Variants in RAPGEF4 observed in about 807,000 individuals in gnomAD.
The protein encoded by RAPGEF4 is Rap guanine nucleotide exchange factor 4.
A neutral mutation model predicts 147.9 loss-of-function variants in RAPGEF4; 66 were observed. The observed-to-expected ratio is 0.45, with a 90% confidence interval of 0.37 to 0.55. RAPGEF4 has a LOEUF of 0.55. Among genes scored for constraint, RAPGEF4 ranks in the 20% least tolerant of loss-of-function variants. The probability of loss-of-function intolerance (pLI) is 0.00; values close to 1 mark genes in which losing one functional copy is unlikely to be tolerated. For synonymous variants in RAPGEF4, 419 were observed against 442.7 expected, an observed-to-expected ratio of 0.95 and a Z score of 0.67; for missense variants, 1,071 against 1,257.3, an observed-to-expected ratio of 0.85 and a Z score of 2.24.
At chr2:172,819,461 C>CT (rs1242605865) in intron 4 of RAPGEF4, among the ~76,000 whole-genome samples, 1,487 of 86,936 alleles carry the variant, frequency 0.017, 118 homozygotes, top group East Asian at 0.045. Context: ...ATTTTTAGTT[C>CT]TTTTTTTTTT....
At chr2:172,824,753 C>G (rs923067048) in intron 4 of RAPGEF4, among the ~76,000 whole-genome samples, 65 of 152,182 alleles carry the variant, frequency 4.3e-4, no homozygotes, top group African/African-American at 1.5e-3. Flanking sequence ...TTTGTAGCTC[C>G]TGGGAAATTT....
intron 4 of RAPGEF4, among the ~76,000 whole-genome samples, chr2:172,826,071 C>T (rs995069743): frequency 6.6e-6 from 1 of 152,200 alleles, no homozygotes; most frequent in Non-Finnish European, 1.5e-5. Context: ...CTATGGTCAT[C>T]CCTTCCACTC....
chr2:172,836,858 T>C (rs1173740509), intron 4 of RAPGEF4, among the ~76,000 whole-genome samples: 1 of 152,254 alleles, frequency 6.6e-6, no homozygotes, highest in Non-Finnish European at 1.5e-5. Flanking sequence ...ATCTGAATTC[T>C]GATGATTATT....
intron 13 of RAPGEF4, 97 bp downstream of exon 13, chr2:172,988,369 A>C: frequency 6.7e-7 from 1 of 1,490,068 alleles, no homozygotes; most frequent in Admixed American, 2.6e-5. Context: ...AATTTGCAAC[A>C]ACATTGCTCC....
At position 172,967,444 on chromosome 2, in the gene RAPGEF4, C is replaced by A; in HGVS notation, c.1004C>A (p.Pro335Gln). Residue 335 changes from proline (P) to glutamine (Q), a missense_variant and splice_region_variant, in exon 10 of 31, where the codon CCA (proline) becomes CAA (glutamine). Transcript: ENST00000397081. Reference sequence around the variant, plus strand: ...CACATGAGGATGATCCTTCGCAAACCGTGAGTGAGAGCTCGTGGCTCACCC... The same window carrying A: ...CACATGAGGATGATCCTTCGCAAACAGTGAGTGAGAGCTCGTGGCTCACCC... ...DAHMRMILRKPPGQRTVDDLE... is the reference protein window; with the variant it reads ...DAHMRMILRKQPGQRTVDDLE... The A allele has an allele frequency of 1.2e-6, 2 of 1,609,572 alleles. No homozygotes were observed. Among genetic ancestry groups the A allele is most frequent in the Non-Finnish European group, 1.7e-6 (2 of 1,178,424 alleles).
At chr2:172,950,944 T>C (rs1297786012) in intron 6 of RAPGEF4, among the ~76,000 whole-genome samples, 1 of 152,248 alleles carries the variant, frequency 6.6e-6, no homozygotes, top group African/African-American at 2.4e-5. Context: ...TCTTTGATGC[T>C]CAAAGTGTGG....
chr2:172,970,127 A>G (rs1265602674), intron 10 of RAPGEF4, among the ~76,000 whole-genome samples: 2 of 151,388 alleles, frequency 1.3e-5, no homozygotes, highest in Admixed American at 1.3e-4. Flanking sequence ...AAAATAAGGA[A>G]TCTAATTTTG....
chr2:172,888,384 T>A (rs533825606), intron 4 of RAPGEF4, among the ~76,000 whole-genome samples: 2 of 152,336 alleles, frequency 1.3e-5, no homozygotes, highest in East Asian at 1.9e-4. Flanking sequence ...TGCGACACCA[T>A]CAACAGAGGC....
intron 17 of RAPGEF4, among the ~76,000 whole-genome samples, chr2:173,005,291 A>T (rs890635755): frequency 6.6e-6 from 1 of 152,016 alleles, no homozygotes; most frequent in East Asian, 1.9e-4. Flanking sequence ...TATTGTCTCA[A>T]TTTAGTGCTT....
chr2:172,847,811 C>T (rs898561901), intron 4 of RAPGEF4, among the ~76,000 whole-genome samples: 4 of 152,156 alleles, frequency 2.6e-5, no homozygotes, highest in Non-Finnish European at 5.9e-5. Context: ...AAGGTGTAAT[C>T]TACTTTAATA....
intron 1 of RAPGEF4, 64 bp from the exon 2 acceptor site, chr2:172,794,961 C>T (rs1686223821): frequency 1.4e-6 from 2 of 1,444,626 alleles, no homozygotes; most frequent in Admixed American, 4.3e-5. Context: ...AAAATGAGGC[C>T]TGTTGATTCA....
intron 4 of RAPGEF4, among the ~76,000 whole-genome samples, chr2:172,885,418 T>G (rs1398491365): frequency 1.3e-5 from 2 of 152,182 alleles, no homozygotes; most frequent in Non-Finnish European, 2.9e-5. Context: ...AACTACTGGT[T>G]TAGGTTCCCA....
chr2:172,887,949 T>C (rs1220775642), intron 4 of RAPGEF4, among the ~76,000 whole-genome samples: 7 of 152,174 alleles, frequency 4.6e-5, no homozygotes, highest in South Asian at 2.1e-4. Flanking sequence ...CAGATATATA[T>C]TAAAGCCCTT....
intron 6 of RAPGEF4, among the ~76,000 whole-genome samples, chr2:172,956,472 C>CTTT (rs35815206): frequency 9.5e-5 from 13 of 136,230 alleles, no homozygotes; most frequent in Middle Eastern, 3.5e-3. Flanking sequence ...GTTTCTTTTT[C>CTTT]TTTTTTTTTT....
chr2:172,846,909 G>A (rs1335258494), intron 4 of RAPGEF4, among the ~76,000 whole-genome samples: 1 of 152,076 alleles, frequency 6.6e-6, no homozygotes, highest in Non-Finnish European at 1.5e-5. Context: ...TGAGTTTCCA[G>A]CACGTGTTTT....
chr2:172,973,536 G>A (rs1246281070), intron 10 of RAPGEF4, among the ~76,000 whole-genome samples: 1 of 152,216 alleles, frequency 6.6e-6, no homozygotes, highest in Non-Finnish European at 1.5e-5. Context: ...GTTCCCGCAG[G>A]GAACTGTAAA....
At chr2:172,747,174 A>G (rs13012379) in intron 1 of RAPGEF4, among the ~76,000 whole-genome samples, 16,339 of 152,230 alleles carry the variant, frequency 0.11, 1,073 homozygotes, top group Non-Finnish European at 0.14. Flanking sequence ...GAACAGCCTT[A>G]TTCTTCTAGT....
intron 1 of RAPGEF4, among the ~76,000 whole-genome samples, chr2:172,789,273 C>T (rs1247165180): frequency 6.6e-6 from 1 of 152,186 alleles, no homozygotes; most frequent in Non-Finnish European, 1.5e-5. Flanking sequence ...CTTTGCCATA[C>T]AGCATAACAT....
At chr2:172,776,177 A>T (rs181353277) in intron 1 of RAPGEF4, among the ~76,000 whole-genome samples, 2 of 152,310 alleles carry the variant, frequency 1.3e-5, no homozygotes, top group Admixed American at 6.5e-5. Context: ...ATCTCAGAAA[A>T]TTGAGTCCCA....
Sources: allele counts gnomAD v4.1 joint callset (sites outside exome capture counted in the v4.1 genomes callset), GRCh38; gene constraint gnomAD v4.1.1; transcripts MANE v1.5; gene names NCBI Gene and HGNC (gene_info 2026-07-23, HGNC 2026-07-21).